Variants in FREM3 observed in about 807,000 individuals in gnomAD.
The protein encoded by FREM3 is FRAS1-related extracellular matrix protein 3.
Under a neutral mutation model 129.1 loss-of-function variants are expected in FREM3, and 105 were observed. That is an observed-to-expected ratio of 0.81 (90% CI 0.69 to 0.96). The LOEUF is 0.96. FREM3 is among the 40% of genes least tolerant of loss of function. The pLI, the probability that FREM3 is intolerant of heterozygous loss-of-function variation, is 0.00. For missense variants in FREM3, 2,593 were observed against 2,666.3 expected, an observed-to-expected ratio of 0.97 and a Z score of 0.61; for synonymous variants, 1,014 against 1,044.9, an observed-to-expected ratio of 0.97 and a Z score of 0.57.
At chr4:143,659,685 T>C (rs1411867145) in intron 2 of FREM3, among the ~76,000 whole-genome samples, 1 of 69,026 alleles carries the variant, frequency 1.4e-5, no homozygotes, top group Non-Finnish European at 3.3e-5. Flanking sequence ...TGAACTAGTT[T>C]ACAGTCCCAC....
chr4:143,613,205 A>G (rs545631083), intron 5 of FREM3, among the ~76,000 whole-genome samples: 56 of 152,360 alleles, frequency 3.7e-4, no homozygotes, highest in Non-Finnish European at 7.1e-4. Context: ...TCCTGGAATC[A>G]TAAAAATTGT....
At chr4:143,587,088 T>C (rs1046098683) in intron 6 of FREM3, among the ~76,000 whole-genome samples, 1 of 152,048 alleles carries the variant, frequency 6.6e-6, no homozygotes, top group Non-Finnish European at 1.5e-5. Flanking sequence ...GCTGAGGGAG[T>C]AGTAGTAGTA....
intron 2 of FREM3, among the ~76,000 whole-genome samples, chr4:143,660,753 A>G (rs372020183): frequency 1.3e-5 from 2 of 151,852 alleles, no homozygotes; most frequent in East Asian, 3.9e-4. Flanking sequence ...ATCCTCTTTT[A>G]TTTCATTGAG....
chr4:143,689,972 A>G (rs1471611750), intron 2 of FREM3, among the ~76,000 whole-genome samples: 1 of 151,200 alleles, frequency 6.6e-6, no homozygotes, highest in East Asian at 1.9e-4. Flanking sequence ...GAACTTACTC[A>G]TGTAACCAAA....
intron 6 of FREM3, among the ~76,000 whole-genome samples, chr4:143,607,425 C>A (rs1211941838): frequency 1.3e-5 from 2 of 152,116 alleles, no homozygotes; most frequent in Non-Finnish European, 2.9e-5. Context: ...TTTCTTGATT[C>A]CCTTTGTCCT....
chr4:143,647,745 G>C (rs773132623), intron 2 of FREM3, among the ~76,000 whole-genome samples: 2 of 152,168 alleles, frequency 1.3e-5, no homozygotes, highest in Non-Finnish European at 2.9e-5. Flanking sequence ...GTATGGAAGT[G>C]CCTGGATGTC....
chr4:143,620,045 A>G (rs1738918702), intron 5 of FREM3, among the ~76,000 whole-genome samples: 1 of 152,188 alleles, frequency 6.6e-6, no homozygotes. Flanking sequence ...ATCTGCAGCA[A>G]TTAGTCCAGG....
At chr4:143,617,428 G>A (rs1276950166) in intron 5 of FREM3, among the ~76,000 whole-genome samples, 1 of 152,188 alleles carries the variant, frequency 6.6e-6, no homozygotes, top group Non-Finnish European at 1.5e-5. Flanking sequence ...AGGTTGAGAA[G>A]AGGAACAAGA....
chr4:143,656,826 A>T (rs1298808067), intron 2 of FREM3, among the ~76,000 whole-genome samples: 3 of 152,232 alleles, frequency 2.0e-5, no homozygotes, highest in African/African-American at 7.2e-5. Flanking sequence ...GTTTTCTTCA[A>T]TAAAACTGTT....
intron 6 of FREM3, among the ~76,000 whole-genome samples, chr4:143,589,298 G>T (rs558733935): frequency 6.6e-6 from 1 of 152,290 alleles, no homozygotes; most frequent in African/African-American, 2.4e-5. Context: ...TGGTGTTTTA[G>T]ACATGAAGTC....
intron 6 of FREM3, among the ~76,000 whole-genome samples, chr4:143,594,160 G>A (rs1441214488): frequency 1.3e-5 from 2 of 152,170 alleles, no homozygotes; most frequent in African/African-American, 4.8e-5. Flanking sequence ...GGAATTCCCT[G>A]ATCTCTTGTG....
At chr4:143,647,364 C>A (rs573943967) in intron 2 of FREM3, among the ~76,000 whole-genome samples, 3 of 152,206 alleles carry the variant, frequency 2.0e-5, no homozygotes, top group Non-Finnish European at 4.4e-5. Flanking sequence ...TTCAAGCCTG[C>A]TGCATAAATT....
At chr4:143,688,002 G>T (rs1309641910) in intron 2 of FREM3, among the ~76,000 whole-genome samples, 2 of 152,186 alleles carry the variant, frequency 1.3e-5, no homozygotes, top group Non-Finnish European at 2.9e-5. Flanking sequence ...AGTACTGGAA[G>T]TCCTAGCCAG....
At chr4:143,625,382 C>G (rs889870251) in intron 3 of FREM3, among the ~76,000 whole-genome samples, 1 of 152,202 alleles carries the variant, frequency 6.6e-6, no homozygotes, top group East Asian at 1.9e-4. Context: ...AATAGCCCCC[C>G]CATGCAATTC....
intron 5 of FREM3, 82 bp from the exon 6 acceptor site, chr4:143,611,609 T>G (rs901208699): frequency 1.6e-6 from 2 of 1,250,230 alleles, no homozygotes; most frequent in South Asian, 3.0e-5. Context: ...CTTTAATGTA[T>G]TTTTAGATAA....
chr4:143,598,243 AG>A (rs2149836860), intron 6 of FREM3, among the ~76,000 whole-genome samples: 1 of 152,362 alleles, frequency 6.6e-6, no homozygotes, highest in East Asian at 1.9e-4. Flanking sequence ...GACAGAAGCC[AG>A]TGACTTGGGC....
chr4:143,667,790 T>C (rs936900549), intron 2 of FREM3, among the ~76,000 whole-genome samples: 1 of 152,228 alleles, frequency 6.6e-6, no homozygotes, highest in Non-Finnish European at 1.5e-5. Flanking sequence ...ATTGTGTGAA[T>C]GAAACATTTT....
Position 143,697,288 on chromosome 4 carries a change from A to G in FREM3, c.3388T>C (p.Ser1130Pro). ...GCACTGATAGGGCTACCAGACTGGGACATTTTTGAACCAGGAGCTGATGCA... is the reference window on the plus strand; with the variant it reads ...GCACTGATAGGGCTACCAGACTGGGGCATTTTTGAACCAGGAGCTGATGCA... ...KIASAPGSKM[S>P]QSGSPISAFS... The change falls in exon 1 of 8, where the codon TCC (serine) becomes CCC (proline). Residue 1130 changes from serine (S) to proline (P), a missense_variant. By Grantham distance (74) the Ser-to-Pro change is moderately conservative. This residue lies in a region of FREM3 where 2,276 missense variants were observed against 2,267.2 expected (regional missense o/e 1.00). Coordinates refer to ENST00000329798, the MANE Select transcript of FREM3 (RefSeq NM_001168235.2). The G allele has an allele frequency of 1.3e-6, 2 of 1,537,334 alleles. No homozygotes were observed. The highest frequency in any genetic ancestry group is 1.7e-6 in the Non-Finnish European group (2 of 1,146,918).
intron 6 of FREM3, among the ~76,000 whole-genome samples, chr4:143,589,415 G>A (rs1378218731): frequency 1.3e-5 from 2 of 152,036 alleles, no homozygotes. Context: ...ATTAATTTTT[G>A]TATAAGGTGT....
Sources: allele counts gnomAD v4.1 joint callset (sites outside exome capture counted in the v4.1 genomes callset), GRCh38; gene constraint gnomAD v4.1.1; regional missense constraint gnomAD v4.1.1; transcripts MANE v1.5; gene names NCBI Gene and HGNC (gene_info 2026-07-23, HGNC 2026-07-21).